The following ST18 variants were observed in gnomAD, a reference collection of about 807,000 sequenced individuals.
ST18 encodes the protein suppression of tumorigenicity 18 protein.
A neutral mutation model predicts 110.0 loss-of-function variants in ST18; 50 were observed. That is an observed-to-expected ratio of 0.45 (90% CI 0.36 to 0.58). ST18 has a LOEUF of 0.58. ST18 is among the 20% of genes least tolerant of loss of function. The pLI, the probability that ST18 is intolerant of heterozygous loss-of-function variation, is 0.00. For synonymous variants in ST18, 461 were observed against 452.4 expected (o/e 1.02, Z -0.24); for missense variants, 1,306 against 1,280.1 (o/e 1.02, Z -0.31).
Position 52,251,566 on chromosome 8 carries a change from C to T in ST18, c.-464-21489G>A, listed in dbSNP as rs192844844. On this transcript the variant is annotated intron_variant, in intron 2 of 25. Transcript: ENST00000689386. The stretch of plus-strand genomic sequence containing the variant: ...TGGTTATTGTCATAAAAATCAACAC[C>T]GCATTGACTCAATCACTAAGATCTT... Among the ~76,000 whole-genome samples, 533 of 151,710 alleles carry T rather than the reference C, an allele frequency of 3.5e-3. 3 individuals are homozygous for T. Among genetic ancestry groups the T allele is most frequent in the African/African-American group, 0.012 (483 of 41,472 alleles).
intron 17 of ST18, among the ~76,000 whole-genome samples, chr8:52,141,334 T>C (rs139705644): frequency 0.016 from 2,381 of 152,234 alleles, 32 homozygotes; most frequent in Non-Finnish European, 0.026. Context: ...TCACTGTCCA[T>C]GTAGGTGGGG....
intron 2 of ST18, among the ~76,000 whole-genome samples, chr8:52,265,214 G>A (rs2094828219): frequency 6.6e-6 from 1 of 152,168 alleles, no homozygotes; most frequent in South Asian, 2.1e-4. Flanking sequence ...TAGAGCAGGA[G>A]CCTGGTATAT....
At chr8:52,305,886 T>G (rs2095804674) in intron 2 of ST18, among the ~76,000 whole-genome samples, 1 of 152,210 alleles carries the variant, frequency 6.6e-6, no homozygotes, top group South Asian at 2.1e-4. Context: ...TCCTCTCAAC[T>G]AAGCCAGAAT....
At chr8:52,357,676 AATATATATATATATAT>A (rs71252934) in intron 2 of ST18, among the ~76,000 whole-genome samples, 1,265 of 38,450 alleles carry the variant, frequency 0.033, 30 homozygotes, top group Non-Finnish European at 0.04. Flanking sequence ...AAAATCTATA[AATATATATATATATAT>A]ATATATATAT....
intron 2 of ST18, among the ~76,000 whole-genome samples, chr8:52,396,980 C>T (rs1180888973): frequency 6.6e-6 from 1 of 152,190 alleles, no homozygotes; most frequent in Non-Finnish European, 1.5e-5. Context: ...TTAAGTTCAT[C>T]TCCTTTGGGT....
At chr8:52,226,779 C>T (rs966587271) in intron 3 of ST18, among the ~76,000 whole-genome samples, 5 of 152,090 alleles carry the variant, frequency 3.3e-5, no homozygotes, top group Non-Finnish European at 7.4e-5. Flanking sequence ...TCAAAGAGCA[C>T]TTGTTGATTC....
At chr8:52,360,242 T>A (rs1032425334) in intron 2 of ST18, among the ~76,000 whole-genome samples, 2 of 152,194 alleles carry the variant, frequency 1.3e-5, no homozygotes, top group South Asian at 2.1e-4. Flanking sequence ...TTTCAGAGAA[T>A]TGGCATGAAA....
intron 2 of ST18, among the ~76,000 whole-genome samples, chr8:52,322,504 G>A (rs1047308647): frequency 5.3e-5 from 8 of 152,124 alleles, no homozygotes; most frequent in African/African-American, 1.9e-4. Context: ...ATAACTACTT[G>A]AATTATATAA....
intron 2 of ST18, among the ~76,000 whole-genome samples, chr8:52,331,501 C>T (rs1269685345): frequency 1.3e-5 from 2 of 151,986 alleles, no homozygotes; most frequent in African/African-American, 4.8e-5. Context: ...ATACCCAGCC[C>T]GTCTCTGCAA....
intron 2 of ST18, among the ~76,000 whole-genome samples, chr8:52,398,711 G>A (rs1391682506): frequency 2.0e-5 from 3 of 152,104 alleles, no homozygotes; most frequent in Non-Finnish European, 4.4e-5. Context: ...TAATCATGGA[G>A]TTATTTTCCT....
chr8:52,367,566 G>A (rs769701631), intron 2 of ST18, among the ~76,000 whole-genome samples: 1 of 152,170 alleles, frequency 6.6e-6, no homozygotes, highest in Non-Finnish European at 1.5e-5. Flanking sequence ...AAATGTGTGT[G>A]ATGAATATTA....
At chr8:52,183,076 G>A (rs944967176) in intron 8 of ST18, among the ~76,000 whole-genome samples, 3 of 152,088 alleles carry the variant, frequency 2.0e-5, no homozygotes, top group African/African-American at 4.8e-5. Context: ...CAAGTCTATA[G>A]GGCTCCAAAG....
At chr8:52,374,655 A>G (rs1831512951) in intron 2 of ST18, among the ~76,000 whole-genome samples, 1 of 152,048 alleles carries the variant, frequency 6.6e-6, no homozygotes, top group South Asian at 2.1e-4. Flanking sequence ...CCCAGCATCC[A>G]TTAGCTCTTT....
intron 2 of ST18, among the ~76,000 whole-genome samples, chr8:52,369,364 T>A (rs773380881): frequency 6.6e-6 from 1 of 152,174 alleles, no homozygotes; most frequent in Non-Finnish European, 1.5e-5. Context: ...TTCTGAGTCA[T>A]GCCCTTAAGA....
rs1351725627 is a variant in ST18 at position 52,178,634 on chromosome 8, A to AAAAC, written c.277+1487_277+1488insGTTT. ...TCCATCAAAAAAAAAAAAAAAAAAAAAAAAAAAAACCACCAAAAACCAAAA... is the reference window on the plus strand; with the variant it reads ...TCCATCAAAAAAAAAAAAAAAAAAAAAAACAAAAAAAAACCACCAAAAACCAAAA... On this transcript the variant is annotated intron_variant, in intron 9 of 25. Transcript: ENST00000689386. Among the ~76,000 whole-genome samples, 199 of 131,578 alleles carry AAAAC rather than the reference A, an allele frequency of 1.5e-3. 30 individuals carry two copies. The highest frequency in any genetic ancestry group is 6.6e-3 in the African/African-American group (192 of 28,936). The allele number at this position is 131,578 out of a possible 152,430, so 86.3% of individuals were successfully genotyped here. A position where few individuals can be genotyped will look rare whatever the true frequency, so the allele number is the denominator to read the frequency against.
At chr8:52,241,224 G>A (rs998099452) in intron 2 of ST18, among the ~76,000 whole-genome samples, 1 of 152,200 alleles carries the variant, frequency 6.6e-6, no homozygotes, top group African/African-American at 2.4e-5. Flanking sequence ...CTCACTTCTT[G>A]ATTCAGTTGC....
At chr8:52,250,471 AAAAAAAG>A (rs2138254288) in intron 2 of ST18, among the ~76,000 whole-genome samples, 1 of 150,242 alleles carries the variant, frequency 6.7e-6, no homozygotes, top group South Asian at 2.1e-4. Context: ...AAAAAAAAAA[AAAAAAAG>A]ATCAAAACTA....
chr8:52,200,135 A>G lies in ST18; in HGVS notation c.86+11944T>C, dbSNP rs541932414. ...GCAGGCACTATTCTAGATGTTGTGG[A>G]TATTATCAATGAGTTAAGAGATTCC... On this transcript the variant is annotated intron_variant, in intron 8 of 25. Coordinates refer to ENST00000689386, the MANE Select transcript of ST18 (RefSeq NM_001352837.2). Among the ~76,000 whole-genome samples the G allele has an allele frequency of 2.6e-5, 4 of 152,232 alleles. No individual in the cohort carries two copies. In the South Asian group the frequency reaches 8.3e-4, roughly 32 times the overall value.
chr8:52,135,942 ATTTC>A (rs1468594303), intron 19 of ST18, among the ~76,000 whole-genome samples: 13 of 152,184 alleles, frequency 8.5e-5, no homozygotes, highest in African/African-American at 3.1e-4. Context: ...GTTTAATCCT[ATTTC>A]TTTATCTTTT....
Sources: gnomAD v4.1 joint callset for allele counts (sites outside exome capture counted in the v4.1 genomes callset) on GRCh38, gnomAD v4.1.1 for gene constraint, MANE v1.5 for transcripts, NCBI Gene and HGNC (gene_info 2026-07-23, HGNC 2026-07-21) for gene names.